CUL5: variants seen among roughly 807,000 people sequenced by gnomAD.
The protein encoded by CUL5 is cullin-5.
CUL5 carries 26 observed loss-of-function variants against 108.8 expected under a neutral mutation model. That is an observed-to-expected ratio of 0.24 (90% CI 0.18 to 0.33). The LOEUF is 0.33. Among genes scored for constraint, CUL5 ranks in the 10% least tolerant of loss-of-function variants. The probability of loss-of-function intolerance (pLI) is 1.00; values close to 1 mark genes in which losing one functional copy is unlikely to be tolerated. For synonymous variants in CUL5, 334 were observed against 298.0 expected (o/e 1.12, Z -1.25); for missense variants, 524 against 909.2 (o/e 0.58, Z 5.45).
chr11:108,017,207 G>A (rs1862217135), intron 1 of CUL5, among the ~76,000 whole-genome samples: 1 of 151,846 alleles, frequency 6.6e-6, no homozygotes, highest in African/African-American at 2.4e-5. Context: ...TGAACAGCAT[G>A]GTGAAACTCG....
At chr11:108,019,214 T>TGGGGG (rs1862273229) in intron 1 of CUL5, among the ~76,000 whole-genome samples, 1 of 49,714 alleles carries the variant, frequency 2.0e-5, no homozygotes, top group African/African-American at 8.3e-5. Flanking sequence ...GGGGGTGGGG[T>TGGGGG]GGGGTGGATC....
intron 1 of CUL5, among the ~76,000 whole-genome samples, chr11:108,032,077 G>C (rs896530067): frequency 1.3e-5 from 2 of 152,044 alleles, no homozygotes; most frequent in African/African-American, 4.8e-5. Flanking sequence ...GCTTAATCCT[G>C]GATAATGAAA....
chr11:108,049,333 C>A lies in CUL5; in HGVS notation c.235-557C>A, dbSNP rs561213013. Among the ~76,000 whole-genome samples the A allele has an allele frequency of 1.8e-4, 27 of 150,576 alleles. No homozygotes were observed. In the South Asian group the frequency reaches 5.5e-3, roughly 31 times the overall value. On this transcript the variant is annotated intron_variant, in intron 3 of 18. Transcript: ENST00000393094. Reference sequence around the variant, plus strand: ...CATATATTGTGGGGTTTTTTGGTTTCTTTTTTCATTTGTTTAGTTTTTTTT... The same window carrying A: ...CATATATTGTGGGGTTTTTTGGTTTATTTTTTCATTTGTTTAGTTTTTTTT...
rs1352870460 is a variant in CUL5 at position 108,050,021 on chromosome 11, G to A, written c.366G>A (p.Gln122=). Residue 122 remains glutamine, a synonymous_variant, in exon 4 of 19, where the codon CAG becomes CAA. Coordinates refer to ENST00000393094, the MANE Select transcript of CUL5 (RefSeq NM_003478.6). ...TAGAGATTACTTTAATGGGTAAACA[G>A]GGCAGCAATAAAAAATCAAATGTGG... ...CQLEITLMGK[Q]GSNKKSNVED... is the part of the protein sequence containing the mutation. 5.6e-6 allele frequency: 9 copies of A among 1,612,826 alleles called. No individual in the cohort carries two copies.
At chr11:108,027,109 TTTC>T (rs1454462874) in intron 1 of CUL5, among the ~76,000 whole-genome samples, 2 of 152,078 alleles carry the variant, frequency 1.3e-5, no homozygotes, top group African/African-American at 2.4e-5. Context: ...TCTTTCTAGT[TTTC>T]TTCTTATTTA....
chr11:108,073,372 A>G lies in CUL5; in HGVS notation c.1006-18A>G, dbSNP rs773561810. On this transcript the variant is annotated intron_variant, in intron 9 of 18. Coordinates refer to ENST00000393094, the MANE Select transcript of CUL5 (RefSeq NM_003478.6). ...TCTTTTTCTTTTAAAAACTTAATGT[A>G]AAACCTTTTGTTTCTAGGACTCTGA... 5 of 1,216,630 alleles carry G rather than the reference A, an allele frequency of 4.1e-6. 1 individual carries two copies. The highest frequency in any genetic ancestry group is 4.0e-5 in the South Asian group (3 of 74,690). The allele number at this position is 1,216,630 out of a possible 1,614,324, so 75.4% of individuals were successfully genotyped here.
At chr11:108,079,377 A>G (rs868266864) in intron 11 of CUL5, among the ~76,000 whole-genome samples, 1 of 152,162 alleles carries the variant, frequency 6.6e-6, no homozygotes, top group African/African-American at 2.4e-5. Flanking sequence ...AAGTGCTGGG[A>G]TTACAGGCGT....
intron 2 of CUL5, among the ~76,000 whole-genome samples, chr11:108,039,148 G>A (rs961645976): frequency 2.6e-5 from 4 of 152,062 alleles, no homozygotes; most frequent in Non-Finnish European, 5.9e-5. Context: ...AGCCTCCCAA[G>A]TAGCTGGGAT....
chr11:108,048,414 A>T (rs1863119514), intron 3 of CUL5, among the ~76,000 whole-genome samples: 1 of 152,152 alleles, frequency 6.6e-6, no homozygotes, highest in Non-Finnish European at 1.5e-5. Flanking sequence ...GCTGTTGGAC[A>T]TGGTGGTCTA....
intron 7 of CUL5, among the ~76,000 whole-genome samples, chr11:108,055,204 A>C (rs991311975): frequency 1.3e-5 from 2 of 152,250 alleles, no homozygotes; most frequent in South Asian, 4.1e-4. Flanking sequence ...TAATATAATT[A>C]ATTTTTGGTA....
At chr11:108,073,290 C>G (rs1461366571) in intron 9 of CUL5, 100 bp from the exon 10 acceptor site, 2 of 601,992 alleles carry the variant, frequency 3.3e-6, no homozygotes, top group Admixed American at 6.9e-5. Context: ...AAAAATATCC[C>G]CAGTTTTAAA....
At position 108,095,702 on chromosome 11, in the gene CUL5, GT is replaced by G. The variant is rs767909166; in HGVS notation, c.1905+18del. ...AGGAGGACTTTATGGGTTGGTTTAT[GT>G]TTTTTTGTTTTTAAGACTGTATCCT... On this transcript the variant is annotated intron_variant, in intron 16 of 18. Coordinates refer to ENST00000393094, the MANE Select transcript of CUL5 (RefSeq NM_003478.6). 1.9e-6 allele frequency: 3 copies of G among 1,604,284 alleles called. No individual in the cohort carries two copies. The highest frequency in any genetic ancestry group is 2.5e-6 in the Non-Finnish European group (3 of 1,176,488).
intron 10 of CUL5, among the ~76,000 whole-genome samples, chr11:108,074,665 A>G (rs1472069785): frequency 6.6e-6 from 1 of 151,902 alleles, no homozygotes; most frequent in Admixed American, 6.6e-5. Context: ...AATTAGCTGG[A>G]CGTGGTGGTA....
At chr11:108,053,134 CTT>C (rs1863277721) in intron 5 of CUL5, among the ~76,000 whole-genome samples, 1 of 152,156 alleles carries the variant, frequency 6.6e-6, no homozygotes, top group Admixed American at 6.5e-5. Flanking sequence ...AAGTAAGTTA[CTT>C]CCATGAAAAG....
chr11:108,044,497 G>C (rs1011060605), intron 2 of CUL5, among the ~76,000 whole-genome samples: 17 of 136,146 alleles, frequency 1.2e-4, no homozygotes, highest in African/African-American at 4.4e-4. Flanking sequence ...AACAGAGTGA[G>C]ACAGTGTCTC....
At chr11:108,019,525 T>C (rs551380091) in intron 1 of CUL5, among the ~76,000 whole-genome samples, 1 of 152,204 alleles carries the variant, frequency 6.6e-6, no homozygotes, top group Non-Finnish European at 1.5e-5. Flanking sequence ...GGTGGTCTTA[T>C]AGGATTATAA....
At chr11:108,075,227 G>A (rs910300510) in intron 10 of CUL5, among the ~76,000 whole-genome samples, 6 of 151,798 alleles carry the variant, frequency 4.0e-5, no homozygotes, top group African/African-American at 1.5e-4. Context: ...GCTTATTTGG[G>A]AAATGCAGGG....
At position 108,054,681 on chromosome 11, in the gene CUL5, A is replaced by C. The variant is rs1330053813; in HGVS notation, c.588A>C (p.Gln196His). 3 of 1,605,056 alleles carry C rather than the reference A, an allele frequency of 1.9e-6. No homozygotes were observed. The highest frequency in any genetic ancestry group is 2.6e-6 in the Non-Finnish European group (3 of 1,173,174). Residue 196 changes from glutamine to histidine, a missense_variant, in exon 6 of 19, where the codon CAA becomes CAC. Gln to His is a conservative substitution (Grantham distance 24, BLOSUM62 0). Coordinates refer to ENST00000393094, the MANE Select transcript of CUL5 (RefSeq NM_003478.6). ...NLCSNPEDKL[Q>H]IYRDNFEKAY... ...GTTCTAATCCTGAGGATAAACTTCA[A>C]ATTTATAGGGACAATTTTGAGAAGG...
At chr11:108,093,389 C>G (rs1259126917) in intron 13 of CUL5, among the ~76,000 whole-genome samples, 1 of 152,154 alleles carries the variant, frequency 6.6e-6, no homozygotes, top group Non-Finnish European at 1.5e-5. Flanking sequence ...TTGTCACTCA[C>G]CACTTTTATC....
Sources: gnomAD v4.1 joint callset for allele counts (sites outside exome capture counted in the v4.1 genomes callset) on GRCh38, gnomAD v4.1.1 for gene constraint, MANE v1.5 for transcripts, NCBI Gene and HGNC (gene_info 2026-07-23, HGNC 2026-07-21) for gene names.